The following PPP1R14C variants were observed in gnomAD, a reference collection of about 807,000 sequenced individuals.
The protein encoded by PPP1R14C is protein phosphatase 1 regulatory inhibitor subunit 14C, also known as protein phosphatase 1 regulatory subunit 14C.
A neutral mutation model predicts 20.4 loss-of-function variants in PPP1R14C; 16 were observed. The observed-to-expected ratio is 0.78, with a 90% CI of 0.53 to 1.19. The LOEUF (loss-of-function observed/expected upper bound fraction) is 1.19. PPP1R14C is among the 50% of genes most tolerant of loss of function. The pLI, the probability that PPP1R14C is intolerant of heterozygous loss-of-function variation, is 0.00. For missense variants in PPP1R14C, 211 were observed against 220.1 expected, an observed-to-expected ratio of 0.96 and a Z score of 0.26; for synonymous variants, 91 against 91.0, an observed-to-expected ratio of 1.00 and a Z score of 0.00.
At chr6:150,192,815 C>T (rs1159721279) in intron 1 of PPP1R14C, among the ~76,000 whole-genome samples, 1 of 152,114 alleles carries the variant, frequency 6.6e-6, no homozygotes, top group Non-Finnish European at 1.5e-5. Flanking sequence ...CACGATGGTT[C>T]CTTCACCTAC....
Position 150,189,154 on chromosome 6 carries a change from T to G in PPP1R14C, c.307-25590T>G, listed in dbSNP as rs142188036. Among the ~76,000 whole-genome samples the G allele has an allele frequency of 7.6e-3, 1,158 of 152,318 alleles. 18 individuals carry two copies. Among genetic ancestry groups the G allele is most frequent in the African/African-American group, 0.026 (1,084 of 41,550 alleles). On this transcript the variant is annotated intron_variant, in intron 1 of 3. Coordinates refer to ENST00000361131, the MANE Select transcript of PPP1R14C (RefSeq NM_030949.3). Reference sequence around the variant, plus strand: ...GATTACAGGTGTGAGCCACCGCACCTGGCCCTTACAGGATGTTGTAATTAA... The same window carrying G: ...GATTACAGGTGTGAGCCACCGCACCGGGCCCTTACAGGATGTTGTAATTAA...
Position 150,159,954 on chromosome 6 carries a change from C to T in PPP1R14C, c.306+16456C>T, listed in dbSNP as rs1349630452. Among the ~76,000 whole-genome samples, 4 of 152,258 alleles carry T rather than the reference C, an allele frequency of 2.6e-5. No homozygotes were observed. In the East Asian group the frequency reaches 7.7e-4, roughly 29 times the overall value. ...CTCAGCCTTCCTTTGTTTTTGATGA[C>T]CTTGACAGTATTGTGGAGTACTTTT... On this transcript the variant is annotated intron_variant, in intron 1 of 3. Coordinates refer to ENST00000361131, the MANE Select transcript of PPP1R14C (RefSeq NM_030949.3).
intron 3 of PPP1R14C, among the ~76,000 whole-genome samples, chr6:150,243,613 G>T (rs1205923629): frequency 6.6e-6 from 1 of 152,162 alleles, no homozygotes; most frequent in Non-Finnish European, 1.5e-5. Flanking sequence ...AGACAATATG[G>T]TATGGGTATA....
At chr6:150,237,436 C>G (rs9384270) in intron 3 of PPP1R14C, among the ~76,000 whole-genome samples, 2,233 of 152,248 alleles carry the variant, frequency 0.015, 41 homozygotes, top group East Asian at 0.1. Context: ...CTCCCAACCT[C>G]AGGTGATCTG....
At chr6:150,225,155 A>G (rs73009883) in intron 3 of PPP1R14C, among the ~76,000 whole-genome samples, 9,390 of 151,454 alleles carry the variant, frequency 0.062, 377 homozygotes, top group African/African-American at 0.098. Flanking sequence ...GACTTTGGGG[A>G]AAAAAAAAGA....
chr6:150,162,714 A>G (rs1302909160), intron 1 of PPP1R14C, among the ~76,000 whole-genome samples: 1 of 152,222 alleles, frequency 6.6e-6, no homozygotes, highest in Non-Finnish European at 1.5e-5. Flanking sequence ...TGCCACATGC[A>G]CTTTTAGGTG....
chr6:150,168,352 T>C (rs139179625), intron 1 of PPP1R14C, among the ~76,000 whole-genome samples: 5,146 of 151,712 alleles, frequency 0.034, 179 homozygotes, highest in East Asian at 0.089. Context: ...CTGGCTAACA[T>C]GGTGAAACCC....
intron 3 of PPP1R14C, among the ~76,000 whole-genome samples, chr6:150,240,284 C>T (rs1330323339): frequency 2.6e-5 from 4 of 152,100 alleles, no homozygotes; most frequent in African/African-American, 9.7e-5. Context: ...TTGAAATAGG[C>T]CTGATATTGT....
intron 3 of PPP1R14C, among the ~76,000 whole-genome samples, chr6:150,246,681 A>G (rs941772264): frequency 2.6e-5 from 4 of 152,230 alleles, no homozygotes; most frequent in African/African-American, 9.6e-5. Flanking sequence ...AATCCAAGCT[A>G]CAGACAAAAA....
chr6:150,156,178 GTCTA>G (rs1017297613), intron 1 of PPP1R14C, among the ~76,000 whole-genome samples: 84 of 152,050 alleles, frequency 5.5e-4, no homozygotes, highest in African/African-American at 1.9e-3. Context: ...TGCACTCTTG[GTCTA>G]TCTATTTAGA....
intron 1 of PPP1R14C, among the ~76,000 whole-genome samples, chr6:150,184,417 C>G (rs545998107): frequency 1.3e-5 from 2 of 152,218 alleles, no homozygotes; most frequent in East Asian, 3.9e-4. Flanking sequence ...TAGGCCATAC[C>G]CTACAGCCTA....
chr6:150,150,650 T>C lies in PPP1R14C; in HGVS notation c.306+7152T>C, dbSNP rs529484043. 1.3e-4 allele frequency among the ~76,000 whole-genome samples: 20 copies of C among 152,314 alleles called. No homozygotes were observed. The South Asian group carries it at 3.9e-3, about 30-fold the overall frequency. On this transcript the variant is annotated intron_variant, in intron 1 of 3. Transcript: ENST00000361131. ...ACTTTGTAGTGCATGCTCTTGCTCT[T>C]GTTTCCTGCACTGGGCTAGTTCAAG...
chr6:150,235,479 G>A (rs1226907696), intron 3 of PPP1R14C, among the ~76,000 whole-genome samples: 3 of 152,228 alleles, frequency 2.0e-5, no homozygotes, highest in African/African-American at 7.2e-5. Flanking sequence ...TGAAATAGAT[G>A]CAGTTTATTG....
intron 1 of PPP1R14C, among the ~76,000 whole-genome samples, chr6:150,174,471 C>A (rs532990466): frequency 2.0e-5 from 3 of 151,812 alleles, no homozygotes; most frequent in African/African-American, 7.3e-5. Flanking sequence ...CCACCTTGGC[C>A]TCCCAAAGTG....
At chr6:150,230,066 G>A (rs1214826433) in intron 3 of PPP1R14C, among the ~76,000 whole-genome samples, 1 of 152,170 alleles carries the variant, frequency 6.6e-6, no homozygotes, top group Non-Finnish European at 1.5e-5. Context: ...TCATCCAGGA[G>A]TTTTCAGTGT....
At chr6:150,228,114 G>T (rs1372712404) in intron 3 of PPP1R14C, among the ~76,000 whole-genome samples, 2 of 152,134 alleles carry the variant, frequency 1.3e-5, no homozygotes, top group African/African-American at 4.8e-5. Flanking sequence ...TATTTATAAA[G>T]CTGATTAAGA....
chr6:150,184,623 T>C (rs895504214), intron 1 of PPP1R14C, among the ~76,000 whole-genome samples: 20 of 152,062 alleles, frequency 1.3e-4, no homozygotes, highest in African/African-American at 4.8e-4. Context: ...TTTAAGCATA[T>C]TTTGGACTTC....
chr6:150,145,352 T>C (rs1777169961), intron 1 of PPP1R14C, among the ~76,000 whole-genome samples: 2 of 152,198 alleles, frequency 1.3e-5, no homozygotes, highest in Non-Finnish European at 2.9e-5. Context: ...GGGAGGTTTT[T>C]GTGGTGAAAT....
intron 1 of PPP1R14C, among the ~76,000 whole-genome samples, chr6:150,198,474 G>A (rs1244428337): frequency 6.6e-6 from 1 of 152,260 alleles, no homozygotes; most frequent in African/African-American, 2.4e-5. Flanking sequence ...TGCATGGCTT[G>A]TTCCCCTGCC....
Sources: gnomAD v4.1 joint callset for allele counts (sites outside exome capture counted in the v4.1 genomes callset) on GRCh38, gnomAD v4.1.1 for gene constraint, MANE v1.5 for transcripts, NCBI Gene and HGNC (gene_info 2026-07-23, HGNC 2026-07-21) for gene names.